ADGRV1: variants seen among roughly 807,000 people sequenced by gnomAD.
The protein encoded by ADGRV1 is adhesion G protein-coupled receptor V1, also known as G-protein coupled receptor 98.
In ADGRV1, 359 loss-of-function variants were observed where a neutral mutation model predicts 596.2. That is an observed-to-expected ratio of 0.60 (90% CI 0.55 to 0.66). ADGRV1 has a LOEUF of 0.66. Ranked by LOEUF, ADGRV1 falls within the 30% of genes least tolerant of loss-of-function variation. The pLI, the probability that ADGRV1 is intolerant of heterozygous loss-of-function variation, is 0.00. For missense variants in ADGRV1, 7,274 were observed against 7,575.6 expected, an observed-to-expected ratio of 0.96 and a Z score of 1.48; for synonymous variants, 2,681 against 2,679.2, an observed-to-expected ratio of 1.00 and a Z score of -0.02.
At chr5:90,955,629 C>CT (rs1022998516) in intron 83 of ADGRV1, among the ~76,000 whole-genome samples, 6 of 152,118 alleles carry the variant, frequency 3.9e-5, no homozygotes, top group Admixed American at 6.5e-5. Flanking sequence ...CTTTCCCCCT[C>CT]TTTTTTTATC....
intron 1 of ADGRV1, among the ~76,000 whole-genome samples, chr5:90,612,608 T>C (rs577525026): frequency 6.6e-6 from 1 of 152,208 alleles, no homozygotes; most frequent in South Asian, 2.1e-4. Context: ...TTCATAGAGA[T>C]ATTGTAAGGA....
intron 85 of ADGRV1, among the ~76,000 whole-genome samples, chr5:91,026,378 C>A (rs1253758664): frequency 6.6e-6 from 1 of 152,156 alleles, no homozygotes; most frequent in African/African-American, 2.4e-5. Flanking sequence ...AATTAAGCCT[C>A]CATTCTAAAG....
At chr5:90,663,603 G>A (rs1389886738) in intron 21 of ADGRV1, among the ~76,000 whole-genome samples, 1 of 152,174 alleles carries the variant, frequency 6.6e-6, no homozygotes, top group African/African-American at 2.4e-5. Flanking sequence ...CTGTGCAGAA[G>A]CTCTTGAGTT....
chr5:90,639,901 T>C (rs1350538377), intron 11 of ADGRV1, among the ~76,000 whole-genome samples: 1 of 152,192 alleles, frequency 6.6e-6, no homozygotes, highest in Non-Finnish European at 1.5e-5. Flanking sequence ...TGAAAATAGT[T>C]AACAGTTTAT....
intron 87 of ADGRV1, among the ~76,000 whole-genome samples, chr5:91,121,859 G>A (rs922898429): frequency 5.3e-5 from 8 of 151,990 alleles, no homozygotes; most frequent in Admixed American, 2.6e-4. Flanking sequence ...CTCTAAAGCC[G>A]TAGCATGCAG....
rs78457853 is a variant in ADGRV1, at chr5:90,856,809, A to G, written c.17755+908A>G. Among the ~76,000 whole-genome samples the G allele has an allele frequency of 2.0e-5, 3 of 152,322 alleles. No individual in the cohort carries two copies. In the East Asian group the frequency reaches 5.8e-4, roughly 29 times the overall value. On this transcript the variant is annotated intron_variant, in intron 82 of 89. Coordinates refer to ENST00000405460, the MANE Select transcript of ADGRV1 (RefSeq NM_032119.4). Reference sequence around the variant, plus strand: ...TTTCCCACCCATGATATTTGATTATAAATTGTGTCTATGTAACAGGGTGAT... The same window carrying G: ...TTTCCCACCCATGATATTTGATTATGAATTGTGTCTATGTAACAGGGTGAT...
intron 83 of ADGRV1, among the ~76,000 whole-genome samples, chr5:90,899,495 A>C (rs1263113913): frequency 2.0e-5 from 3 of 152,134 alleles, no homozygotes; most frequent in African/African-American, 7.2e-5. Context: ...CAAATCTGGG[A>C]ACTTGTTAGT....
In ADGRV1 at chr5:90,840,869, C is replaced by T. The variant is rs748718714; in HGVS notation, c.16903C>T (p.Leu5635=). 4 of 1,608,344 alleles carry T rather than the reference C, an allele frequency of 2.5e-6. No homozygotes were observed. Among genetic ancestry groups the T allele is most frequent in the Non-Finnish European group, 3.4e-6 (4 of 1,176,376 alleles). ...GGCCATTTGGGGGCTTGCAGATCAG[C>T]TACATCAGCCTGTGAATGATGATAT... The part of the protein sequence containing the change: ...SQAIWGLADQ[L]HQPVNDDILN... The change falls in exon 78 of 90, where the codon CTA becomes TTA. Residue 5635 remains leucine, a synonymous_variant. Coordinates refer to ENST00000405460, the MANE Select transcript of ADGRV1 (RefSeq NM_032119.4).
rs45507696 is a variant in ADGRV1 at position 90,643,663 on chromosome 5, G to A, written c.2554-140G>A. ...GGAGAATGTTAATTTTTAAAGAAAT[G>A]ATACCACCTCTTTTGTCCTTTCAGT... On this transcript the variant is annotated intron_variant, in intron 13 of 89. Transcript: ENST00000405460. 98,310 of 552,420 alleles carry A rather than the reference G, an allele frequency of 0.18. 9,986 individuals are homozygous for A. The highest frequency in any genetic ancestry group is 0.38 in the East Asian group (12,602 of 33,108). The allele number at this position is 552,420 out of a possible 1,614,324, so 34.2% of individuals were successfully genotyped here. A position where few individuals can be genotyped will look rare whatever the true frequency, so the allele number is the denominator to read the frequency against.
chr5:91,081,309 T>C (rs182854772), intron 86 of ADGRV1, among the ~76,000 whole-genome samples: 41 of 152,206 alleles, frequency 2.7e-4, no homozygotes, highest in African/African-American at 8.2e-4. Flanking sequence ...GAGGAAACAA[T>C]TCAGTCCATA....
chr5:90,599,022 A>G (rs1179108789), intron 1 of ADGRV1, among the ~76,000 whole-genome samples: 1 of 152,184 alleles, frequency 6.6e-6, no homozygotes, highest in Non-Finnish European at 1.5e-5. Context: ...AGAATGAGAA[A>G]AGAAGAGAAA....
At chr5:90,891,796 C>T (rs1474928886) in intron 83 of ADGRV1, among the ~76,000 whole-genome samples, 10 of 151,612 alleles carry the variant, frequency 6.6e-5, no homozygotes, top group East Asian at 1.9e-4. Context: ...GTCATAAACC[C>T]GCCTGCTATC....
chr5:91,088,874 T>C (rs1290118969), intron 86 of ADGRV1, among the ~76,000 whole-genome samples: 1 of 152,204 alleles, frequency 6.6e-6, no homozygotes, highest in African/African-American at 2.4e-5. Flanking sequence ...AGTCTATCAT[T>C]GGGCACAAAT....
chr5:90,676,059 G>T, intron 24 of ADGRV1, 21 bp from the exon 25 acceptor site: 1 of 1,571,064 alleles, frequency 6.4e-7, no homozygotes, highest in South Asian at 1.2e-5. Context: ...TAATCTAATG[G>T]ATCAGTCTTT....
At chr5:90,642,479 A>G (rs1002038573) in intron 11 of ADGRV1, among the ~76,000 whole-genome samples, 157 bp from the exon 12 acceptor site, 6 of 152,220 alleles carry the variant, frequency 3.9e-5, no homozygotes, top group African/African-American at 1.4e-4. Context: ...TTTTGATCTT[A>G]AATGATTTCA....
chr5:90,815,963 A>T (rs1243366902), intron 75 of ADGRV1, among the ~76,000 whole-genome samples: 1 of 152,184 alleles, frequency 6.6e-6, no homozygotes, highest in Non-Finnish European at 1.5e-5. Context: ...CCATACAAAT[A>T]TCAGACTATG....
At chr5:90,625,021 G>C (rs967330150) in intron 5 of ADGRV1, 109 bp from the exon 6 acceptor site, 3 of 665,864 alleles carry the variant, frequency 4.5e-6, no homozygotes, top group Middle Eastern at 5.4e-4. Flanking sequence ...TGTAATTCTT[G>C]CAGAACATCT....
At chr5:90,584,195 A>G (rs970816757) in intron 1 of ADGRV1, among the ~76,000 whole-genome samples, 4 of 152,228 alleles carry the variant, frequency 2.6e-5, no homozygotes, top group African/African-American at 9.6e-5. Context: ...AGTGCTTGGT[A>G]AAGTTAGCTG....
At chr5:91,089,878 G>A (rs1455816399) in intron 86 of ADGRV1, among the ~76,000 whole-genome samples, 1 of 152,178 alleles carries the variant, frequency 6.6e-6, no homozygotes, top group Admixed American at 6.5e-5. Flanking sequence ...AAAGTTAAGT[G>A]TGTTGGAAAA....
Sources: allele counts gnomAD v4.1 joint callset (sites outside exome capture counted in the v4.1 genomes callset), GRCh38; gene constraint gnomAD v4.1.1; transcripts MANE v1.5; gene names NCBI Gene and HGNC (gene_info 2026-07-23, HGNC 2026-07-21).